Variants in MAF observed in about 807,000 individuals in gnomAD.
MAF encodes transcription factor Maf.
A neutral mutation model predicts 22.0 loss-of-function variants in MAF; 10 were observed. That is an observed-to-expected ratio of 0.45 (90% CI 0.28 to 0.77). MAF has a LOEUF of 0.77. Among genes scored for constraint, MAF ranks in the 30% least tolerant of loss-of-function variants. MAF has a pLI of 0.12. For missense variants in MAF, 544 were observed against 548.4 expected, an observed-to-expected ratio of 0.99 and a Z score of 0.08; for synonymous variants, 337 against 255.8, an observed-to-expected ratio of 1.32 and a Z score of -3.03.
At chr16:79,286,877 C>T in the MAF span, among the ~76,000 whole-genome samples, 174 of 152,324 alleles carry the variant, frequency 1.1e-3, no homozygotes, top group Non-Finnish European at 2.3e-3. Context: ...GCCTCTTCCC[C>T]GCCTCCTCCC....
the MAF span, among the ~76,000 whole-genome samples, chr16:79,522,000 T>C: frequency 1.2e-4 from 19 of 152,186 alleles, no homozygotes; most frequent in East Asian, 2.9e-3. Flanking sequence ...AAAATGGCAA[T>C]TGCAAGAAAA....
intron 1 of MAF, chr16:79,598,193 A>C: frequency 9.6e-7 from 1 of 1,046,038 alleles, no homozygotes; most frequent in Non-Finnish European, 1.2e-6. Context: ...CTCGGAAGAG[A>C]TGGGTTGAGA....
At chr16:79,393,505 C>T in the MAF span, among the ~76,000 whole-genome samples, 1 of 152,238 alleles carries the variant, frequency 6.6e-6, no homozygotes, top group Non-Finnish European at 1.5e-5. Flanking sequence ...GGAGCTTTGT[C>T]CTCTGTCCTT....
chr16:79,219,520 C>T, the MAF span, among the ~76,000 whole-genome samples: 46 of 138,280 alleles, frequency 3.3e-4, no homozygotes, highest in African/African-American at 1.0e-3. Context: ...CACTGCACTC[C>T]AGCCTGGGCG....
In MAF at chr16:79,600,018, T is replaced by G; in HGVS notation, c.-116A>C. 1.4e-6 allele frequency: 2 copies of G among 1,461,562 alleles called. No homozygotes were observed. Among genetic ancestry groups the G allele is most frequent in the Non-Finnish European group, 1.9e-6 (2 of 1,075,354 alleles). The allele number at this position is 1,461,562 out of a possible 1,614,324, so 90.5% of individuals were successfully genotyped here. A position where few individuals can be genotyped will look rare whatever the true frequency, so the allele number is the denominator to read the frequency against. The stretch of plus-strand genomic sequence containing the variant: ...AGCCAGCTTGCCGGGCTGGGGCGCT[T>G]CTAGCTTGCGCGGCGGTGGCTGGCC... On this transcript the variant is annotated 5_prime_UTR_variant, in exon 1 of 2. Transcript: ENST00000326043.
chr16:79,274,614 A>C, the MAF span, among the ~76,000 whole-genome samples: 1 of 152,162 alleles, frequency 6.6e-6, no homozygotes, highest in Non-Finnish European at 1.5e-5. Context: ...AGTGCACTCC[A>C]TAGTCCAGGC....
the MAF span, among the ~76,000 whole-genome samples, chr16:79,296,023 C>G: frequency 4.6e-5 from 7 of 152,250 alleles, no homozygotes; most frequent in Non-Finnish European, 7.3e-5. Flanking sequence ...CTGTCCCCCT[C>G]TGGCTGAATC....
chr16:79,350,379 G>C, the MAF span, among the ~76,000 whole-genome samples: 1 of 152,172 alleles, frequency 6.6e-6, no homozygotes, highest in East Asian at 1.9e-4. Flanking sequence ...CCCAGCAATA[G>C]GATTTGAGTC....
chr16:79,557,803 A>C, the MAF span, among the ~76,000 whole-genome samples: 1 of 152,214 alleles, frequency 6.6e-6, no homozygotes, highest in East Asian at 1.9e-4. Flanking sequence ...CAAAGATATA[A>C]GATGAGAAAC....
chr16:79,399,346 A>C, the MAF span, among the ~76,000 whole-genome samples: 3 of 152,180 alleles, frequency 2.0e-5, no homozygotes, highest in African/African-American at 7.2e-5. Flanking sequence ...TATCATCATC[A>C]TCATCACATG....
the MAF span, among the ~76,000 whole-genome samples, chr16:79,567,815 T>C: frequency 6.6e-6 from 1 of 152,216 alleles, no homozygotes; most frequent in African/African-American, 2.4e-5. Flanking sequence ...TCCTCAGAAA[T>C]GGAATCTTCC....
At chr16:79,494,601 T>C in the MAF span, among the ~76,000 whole-genome samples, 1 of 152,142 alleles carries the variant, frequency 6.6e-6, no homozygotes, top group East Asian at 1.9e-4. Flanking sequence ...GCAAAGTTCC[T>C]AGGGGAAAAA....
chr16:79,556,522 G>A, the MAF span, among the ~76,000 whole-genome samples: 1 of 152,158 alleles, frequency 6.6e-6, no homozygotes, highest in African/African-American at 2.4e-5. Context: ...GACATTATAG[G>A]ACCTCTGTGT....
At chr16:79,390,471 A>T in the MAF span, among the ~76,000 whole-genome samples, 1 of 152,156 alleles carries the variant, frequency 6.6e-6, no homozygotes, top group Non-Finnish European at 1.5e-5. Context: ...TTCGGAACAT[A>T]ATTTGTCACA....
At chr16:79,315,942 G>A in the MAF span, among the ~76,000 whole-genome samples, 1 of 152,248 alleles carries the variant, frequency 6.6e-6, no homozygotes, top group Non-Finnish European at 1.5e-5. Context: ...CTGTTCTTCA[G>A]GGACTACAGT....
the MAF span, among the ~76,000 whole-genome samples, chr16:79,348,012 T>G: frequency 0.53 from 80,610 of 151,868 alleles, 21,831 homozygotes; most frequent in African/African-American, 0.56. Flanking sequence ...GTCCTTTCAA[T>G]GATGTCTCTA....
chr16:79,533,900 C>T, the MAF span, among the ~76,000 whole-genome samples: 3 of 152,184 alleles, frequency 2.0e-5, no homozygotes, highest in Admixed American at 6.5e-5. Flanking sequence ...GTGCACTAAG[C>T]AAGGTAGTGG....
the MAF span, among the ~76,000 whole-genome samples, chr16:79,373,004 T>G: frequency 6.6e-5 from 10 of 152,194 alleles, no homozygotes; most frequent in Non-Finnish European, 1.5e-4. Flanking sequence ...CTCCAGGCAT[T>G]TCCTGTAAAA....
chr16:79,304,976 T>G, the MAF span, among the ~76,000 whole-genome samples: 1 of 152,240 alleles, frequency 6.6e-6, no homozygotes, highest in East Asian at 1.9e-4. Context: ...GAGCACTAAT[T>G]CAGAATGGAT....
Sources: gnomAD v4.1 joint callset for allele counts (sites outside exome capture counted in the v4.1 genomes callset) on GRCh38, gnomAD v4.1.1 for gene constraint, MANE v1.5 for transcripts, NCBI Gene and HGNC (gene_info 2026-07-23, HGNC 2026-07-21) for gene names.